The following PC variants were observed in gnomAD, a reference collection of about 807,000 sequenced individuals.
The protein encoded by PC is pyruvate carboxylase, also known as pyruvate carboxylase, mitochondrial.
PC carries 46 observed loss-of-function variants against 107.8 expected under a neutral mutation model. The observed-to-expected ratio is 0.43, with a 90% CI of 0.34 to 0.55. The LOEUF is 0.55. Ranked by LOEUF, PC falls within the 20% of genes least tolerant of loss-of-function variation. PC has a pLI of 0.04. For synonymous variants in PC, 662 were observed against 684.7 expected (o/e 0.97, Z 0.52); for missense variants, 1,241 against 1,643.1 (o/e 0.76, Z 4.23).
At chr11:66,899,711 G>A (rs1018507567) in intron 3 of PC, among the ~76,000 whole-genome samples, 10 of 152,212 alleles carry the variant, frequency 6.6e-5, no homozygotes, top group African/African-American at 2.2e-4. Context: ...CACTTTGTGG[G>A]TTGTCTTTTC....
chr11:66,905,394 A>G (rs1948129395), intron 3 of PC, among the ~76,000 whole-genome samples: 1 of 152,228 alleles, frequency 6.6e-6, no homozygotes, highest in Non-Finnish European at 1.5e-5. Flanking sequence ...GCGGACTCCA[A>G]GCTGACTCTG....
chr11:66,850,669 C>T lies in PC; in HGVS notation c.2473+5G>A. ...GGTGTGGCCACGGGCTGCTGTTCTT[C>T]CTACCTGTGTCCAGGGGAGTCCCTC... On this transcript the variant is annotated splice_donor_5th_base_variant and intron_variant, in intron 18 of 22. Coordinates refer to ENST00000393960, the MANE Select transcript of PC (RefSeq NM_001040716.2). 1 of 1,608,174 alleles carries T rather than the reference C, an allele frequency of 6.2e-7. No homozygotes were observed. Among genetic ancestry groups the T allele is most frequent in the Non-Finnish European group, 8.5e-7 (1 of 1,179,766 alleles).
intron 3 of PC, among the ~76,000 whole-genome samples, chr11:66,883,823 T>C (rs1326213831): frequency 2.0e-5 from 3 of 152,160 alleles, no homozygotes; most frequent in Non-Finnish European, 4.4e-5. Context: ...TGGTGGCTCA[T>C]GCTTGTAATC....
At position 66,859,024 on chromosome 11, in the gene PC, G is replaced by A. The variant is rs751754935; in HGVS notation, c.1368+4750C>T. The A allele has an allele frequency of 3.3e-6, 5 of 1,510,528 alleles. No individual in the cohort carries two copies. In the South Asian group the frequency reaches 4.0e-5, roughly 12 times the overall value. 93.6% of individuals were successfully genotyped at this position (1,510,528 alleles called of 1,614,324 possible). Reference sequence around the variant, plus strand: ...GGGCTGGTGAGCTGGGGTCCCGGGCGGCCAGCCGACCCAGTGTGGATGTTC... The same window carrying A: ...GGGCTGGTGAGCTGGGGTCCCGGGCAGCCAGCCGACCCAGTGTGGATGTTC... On this transcript the variant is annotated intron_variant, in intron 12 of 22. Coordinates refer to ENST00000393960, the MANE Select transcript of PC (RefSeq NM_001040716.2).
chr11:66,942,164 C>T (rs1453048786), intron 3 of PC, among the ~76,000 whole-genome samples: 4 of 150,184 alleles, frequency 2.7e-5, no homozygotes, highest in Non-Finnish European at 5.9e-5. Context: ...TTTGGGAGGC[C>T]GAGGTGGACG....
intron 3 of PC, among the ~76,000 whole-genome samples, chr11:66,943,985 A>C (rs908575465): frequency 5.4e-5 from 8 of 148,414 alleles, no homozygotes; most frequent in African/African-American, 1.7e-4. Context: ...AAAAAAAAAA[A>C]AGAAAAGAAC....
Position 66,871,759 on chromosome 11 carries a change from G to C in PC, c.249C>G (p.Ala83=), listed in dbSNP as rs749582914. 6.3e-7 allele frequency: 1 copy of C among 1,598,010 alleles called. No homozygotes were observed. Residue 83 remains alanine (A), a synonymous_variant, in exon 5 of 23, where the codon GCC becomes GCG. Coordinates refer to ENST00000393960, the MANE Select transcript of PC (RefSeq NM_001040716.2). This position sits in a 1 kb window ranked among gnomAD's most constrained non-coding sequence, Gnocchi z 7.4. The part of the protein sequence containing the change: ...GQMHRQKADE[A]YLIGRGLAPV... ...GGGCCAGGCCGCGGCCGATGAGATA[G>C]GCTTCATCTGCTTTCTGCCGGTGCA...
chr11:66,950,362 T>A (rs1393365361), intron 3 of PC, among the ~76,000 whole-genome samples: 1 of 152,212 alleles, frequency 6.6e-6, no homozygotes, highest in East Asian at 1.9e-4. Context: ...TACTCCCAGC[T>A]GTCCCGTGCC....
chr11:66,859,025 G>A (rs757458564), intron 12 of PC: 7 of 1,510,204 alleles, frequency 4.6e-6, no homozygotes, highest in Non-Finnish European at 6.2e-6. Context: ...GTCCCGGGCG[G>A]CCAGCCGACC....
chr11:66,860,825 G>A (rs1005749590), intron 12 of PC, among the ~76,000 whole-genome samples: 3 of 152,220 alleles, frequency 2.0e-5, no homozygotes, highest in South Asian at 2.1e-4. Flanking sequence ...TCTGCGGGGC[G>A]GACACAGGAC....
intron 3 of PC, among the ~76,000 whole-genome samples, chr11:66,891,557 C>G (rs1384918381): frequency 6.6e-6 from 1 of 150,936 alleles, no homozygotes; most frequent in Non-Finnish European, 1.5e-5. Flanking sequence ...CCATGCCCGA[C>G]TAATTTTGTA....
chr11:66,935,894 G>C (rs1948988353), intron 3 of PC, among the ~76,000 whole-genome samples: 2 of 152,020 alleles, frequency 1.3e-5, no homozygotes, highest in South Asian at 4.2e-4. Flanking sequence ...TTTGAGACCA[G>C]CCTGGGCAAC....
In PC at chr11:66,850,842, G is replaced by T; in HGVS notation, c.2305C>A (p.His769Asn). 1 of 1,612,050 alleles carries T rather than the reference G, an allele frequency of 6.2e-7. No individual in the cohort carries two copies. Residue 769 changes from histidine to asparagine, a missense_variant, in exon 18 of 23, where the codon CAC becomes AAC. Transcript: ENST00000393960. ...LRDRFPDLPL[H>N]IHTHDTSGAG... Reference sequence around the variant, plus strand: ...CCTGACGTGTCGTGGGTGTGGATGTGCAGTGGGAGGTCGGGGAAGCGGTCC... The same window carrying T: ...CCTGACGTGTCGTGGGTGTGGATGTTCAGTGGGAGGTCGGGGAAGCGGTCC...
intron 3 of PC, among the ~76,000 whole-genome samples, chr11:66,929,145 A>C (rs1429570762): frequency 6.6e-6 from 1 of 152,178 alleles, no homozygotes; most frequent in Non-Finnish European, 1.5e-5. Flanking sequence ...AAATCCATAA[A>C]GTAGCCTTCT....
At chr11:66,920,987 G>C (rs528507960) in intron 3 of PC, among the ~76,000 whole-genome samples, 1 of 150,874 alleles carries the variant, frequency 6.6e-6, no homozygotes, top group Admixed American at 6.6e-5. Flanking sequence ...GCAGTGAGCC[G>C]AGATCTCCAG....
intron 3 of PC, among the ~76,000 whole-genome samples, chr11:66,931,529 A>G (rs1229839991): frequency 6.6e-6 from 1 of 152,048 alleles, no homozygotes; most frequent in Non-Finnish European, 1.5e-5. Flanking sequence ...ACATACTCAT[A>G]TGTTTTAAAC....
intron 3 of PC, among the ~76,000 whole-genome samples, chr11:66,908,764 G>A (rs576584558): frequency 9.9e-4 from 151 of 152,314 alleles, no homozygotes; most frequent in Non-Finnish European, 1.5e-3. Flanking sequence ...CTACGGGAAC[G>A]TAAGTGCGCC....
chr11:66,901,477 A>AT (rs1175993948), intron 3 of PC, among the ~76,000 whole-genome samples: 44 of 150,610 alleles, frequency 2.9e-4, no homozygotes, highest in African/African-American at 8.5e-4. Context: ...CTATTTATTT[A>AT]TTTTTTTTTG....
chr11:66,940,850 G>A (rs1191898532), intron 3 of PC, among the ~76,000 whole-genome samples: 1 of 152,106 alleles, frequency 6.6e-6, no homozygotes, highest in Non-Finnish European at 1.5e-5. Context: ...TACTTTGGGA[G>A]GCTGAGGCAG....
Sources: allele counts gnomAD v4.1 joint callset (sites outside exome capture counted in the v4.1 genomes callset), GRCh38; gene constraint gnomAD v4.1.1; non-coding constraint Gnocchi (gnomAD v3.1); transcripts MANE v1.5; gene names NCBI Gene and HGNC (gene_info 2026-07-23, HGNC 2026-07-21).